Variants in SRSF10 observed in about 807,000 individuals in gnomAD.
The protein encoded by SRSF10 is serine and arginine rich splicing factor 10, also known as serine/arginine-rich splicing factor 10.
In SRSF10, 9 loss-of-function variants were observed where a neutral mutation model predicts 32.6. That is an observed-to-expected ratio of 0.28 (90% CI 0.17 to 0.48). SRSF10 has a LOEUF of 0.48. SRSF10 is among the 20% of genes least tolerant of loss of function. SRSF10 has a pLI of 0.99. For missense variants in SRSF10, 201 were observed against 331.8 expected (o/e 0.61, Z 3.06); for synonymous variants, 105 against 112.4 (o/e 0.93, Z 0.42).
Position 23,978,722 on chromosome 1 carries a change from G to A in SRSF10, c.161C>T (p.Ala54Val). 1.9e-6 allele frequency: 3 copies of A among 1,612,036 alleles called. No individual in the cohort carries two copies. The highest frequency in any genetic ancestry group is 2.5e-6 in the Non-Finnish European group (3 of 1,178,840). ...TCTGAAGAAAGGATATTGAACATAA[G>A]CAAATCCTCTTGGACGGCGAGTGTA... ...DFYTRRPRGF[A>V]YVQFEDVRDA... is the part of the protein sequence containing the mutation. The change falls in exon 2 of 6, where the codon GCT (alanine) becomes GTT (valine). Residue 54 changes from alanine (A) to valine (V), a missense_variant. Physicochemically the swap from Ala to Val is moderately conservative, Grantham distance 64. Around this residue, in one of 3 missense-constraint regions of SRSF10, gnomAD observed 41 missense variants for 109.5 expected, o/e 0.37. Transcript: ENST00000492112.
At chr1:23,979,875 G>T (rs1473638513) in intron 1 of SRSF10, among the ~76,000 whole-genome samples, 3 of 150,784 alleles carry the variant, frequency 2.0e-5, no homozygotes, top group Non-Finnish European at 4.4e-5. Flanking sequence ...AATGGGGGGC[G>T]GCCGTCGGGT....
intron 2 of SRSF10, chr1:23,975,929 G>A (rs1474005726): frequency 6.6e-6 from 1 of 152,172 alleles, no homozygotes; most frequent in African/African-American, 2.4e-5. Flanking sequence ...ACTTGTTTTT[G>A]ATCTGAGAAG....
At chr1:23,980,091 A>G (rs1570799761) in intron 1 of SRSF10, 100 bp downstream of exon 1, 1 of 1,308,118 alleles carries the variant, frequency 7.6e-7, no homozygotes, top group East Asian at 3.0e-5. Flanking sequence ...CGCCATCTTC[A>G]CTCCGTCCCC....
Position 23,972,018 on chromosome 1 carries a change from A to C in SRSF10, c.275-6T>G. On this transcript the variant is annotated splice_polypyrimidine_tract_variant and splice_region_variant and intron_variant, in intron 3 of 5. Transcript: ENST00000492112. ...GGCTTTCATCTGATTTGGTGCTAGG[A>C]AATACAAAGAACAGAAATATTTAAA... 6.8e-7 allele frequency: 1 copy of C among 1,478,612 alleles called. No homozygotes were observed. Among genetic ancestry groups the C allele is most frequent in the Admixed American group, 2.6e-5 (1 of 38,752 alleles). The allele number at this position is 1,478,612 out of a possible 1,614,324, so 91.6% of individuals were successfully genotyped here.
intron 4 of SRSF10, 75 bp from the exon 5 acceptor site, chr1:23,971,701 TA>T: frequency 1.3e-6 from 2 of 1,538,678 alleles, no homozygotes; most frequent in Non-Finnish European, 1.8e-6. Context: ...AAGCAAACCA[TA>T]AAACTTTTAA....
At chr1:23,976,585 T>C (rs1642105802) in intron 2 of SRSF10, 1 of 152,174 alleles carries the variant, frequency 6.6e-6, no homozygotes, top group Non-Finnish European at 1.5e-5. Context: ...ATATAATAAG[T>C]ATAAAAAGGA....
chr1:23,969,810 C>T lies in SRSF10; in HGVS notation c.*1332G>A, dbSNP rs1241613595. The T allele has an allele frequency of 1.0e-6, 1 of 985,290 alleles. No homozygotes were observed. Among genetic ancestry groups the T allele is most frequent in the African/African-American group, 1.7e-5 (1 of 57,216 alleles). 61.0% of individuals were successfully genotyped at this position (985,290 alleles called of 1,614,324 possible). ...CAAAAGATGTGACTCTTGCTTAAAA[C>T]TGACTAATCCTTTTCCCCAAATTAC... On this transcript the variant is annotated 3_prime_UTR_variant, in exon 6 of 6. Transcript: ENST00000492112.
chr1:23,979,571 T>C (rs1411403465), intron 1 of SRSF10, among the ~76,000 whole-genome samples: 1 of 152,152 alleles, frequency 6.6e-6, no homozygotes, highest in Non-Finnish European at 1.5e-5. Context: ...TGACTGACGC[T>C]TCCCAAACCT....
rs1641741062 is a variant in SRSF10, at chr1:23,971,308, G to A, written c.623C>T (p.Thr208Ile). ...ATGTGTTTTGGAATCTGTTTTAGAG[G>A]TGCCTCTAGTTTTGGTGTGAGATGC... Reference protein sequence around the residue: ...RSASHTKTRGTSKTDSKTHYK... With the variant: ...RSASHTKTRGISKTDSKTHYK... Residue 208 changes from threonine to isoleucine, a missense_variant, in exon 6 of 6, where the codon ACC becomes ATC. Thr to Ile is a moderately conservative substitution (Grantham distance 89). This residue lies in a region of SRSF10 where 159 missense variants were observed against 196.7 expected (regional missense o/e 0.81). Transcript: ENST00000492112. 1.2e-6 allele frequency: 2 copies of A among 1,613,290 alleles called. No individual in the cohort carries two copies. The highest frequency in any genetic ancestry group is 1.3e-5 in the African/African-American group (1 of 74,872).
At position 23,965,878 on chromosome 1, in the gene SRSF10, G is replaced by A. The variant is rs1641425086; in HGVS notation, c.*5264C>T. The A allele has an allele frequency of 6.6e-6, 1 of 151,732 alleles. No individual in the cohort carries two copies. The highest frequency in any genetic ancestry group is 1.5e-5 in the Non-Finnish European group (1 of 67,760). The allele number at this position is 151,732 out of a possible 1,614,324, so 9.4% of individuals were successfully genotyped here. The stretch of plus-strand genomic sequence containing the variant: ...CTTCAAAAGGAAATGGAGAAGGGAG[G>A]TAGAGGGCAAAAAAGTCTATAGCCT... On this transcript the variant is annotated 3_prime_UTR_variant, in exon 6 of 6. Transcript: ENST00000492112.
chr1:23,978,619 C>T, intron 2 of SRSF10, 94 bp downstream of exon 2: 1 of 1,419,586 alleles, frequency 7.0e-7, no homozygotes, highest in Non-Finnish European at 9.3e-7. Context: ...TATTAGAGGA[C>T]AAAAAGAACT....
intron 3 of SRSF10, among the ~76,000 whole-genome samples, chr1:23,974,551 A>G (rs927973920): frequency 7.9e-5 from 12 of 152,196 alleles, no homozygotes; most frequent in Non-Finnish European, 1.5e-4. Flanking sequence ...GGCCAGGCAC[A>G]GTAGCTCACG....
At position 23,969,042 on chromosome 1, in the gene SRSF10, A is replaced by G. The variant is rs367884849; in HGVS notation, c.*2100T>C. 15,133 of 847,832 alleles carry G rather than the reference A, an allele frequency of 0.018. 195 individuals are homozygous for G. The highest frequency in any genetic ancestry group is 0.079 in the South Asian group (1,462 of 18,472). The allele number at this position is 847,832 out of a possible 1,614,324, so 52.5% of individuals were successfully genotyped here. A position where few individuals can be genotyped will look rare whatever the true frequency, so the allele number is the denominator to read the frequency against. ...GGACTGTTTCCATTGTTATTTTAGA[A>G]TCATATTCAATACTGTAATAATTCC... On this transcript the variant is annotated 3_prime_UTR_variant, in exon 6 of 6. Coordinates refer to ENST00000492112, the MANE Select transcript of SRSF10 (RefSeq NM_054016.4).
At chr1:23,979,220 TAA>T (rs1406315520) in intron 1 of SRSF10, among the ~76,000 whole-genome samples, 1 of 152,144 alleles carries the variant, frequency 6.6e-6, no homozygotes, top group Non-Finnish European at 1.5e-5. Context: ...CTTAAATAGT[TAA>T]GTGTCAAGAT....
rs1641528319 is a variant in SRSF10, at chr1:23,967,890, T to C, written c.*3252A>G. 2 of 1,549,242 alleles carry C rather than the reference T, an allele frequency of 1.3e-6. No individual in the cohort carries two copies. The highest frequency in any genetic ancestry group is 1.7e-6 in the Non-Finnish European group (2 of 1,146,510). On this transcript the variant is annotated 3_prime_UTR_variant, in exon 6 of 6. Coordinates refer to ENST00000492112, the MANE Select transcript of SRSF10 (RefSeq NM_054016.4). ...CCCTGGGATGTAACTTAACAGCTCA[T>C]ACTCTATGTAGCACCTTTCCTCTCT... is the stretch of plus-strand genomic sequence containing the variant.
At position 23,967,628 on chromosome 1, in the gene SRSF10, G is replaced by A; in HGVS notation, c.*3514C>T. 3 of 1,302,046 alleles carry A rather than the reference G, an allele frequency of 2.3e-6. No homozygotes were observed. The highest frequency in any genetic ancestry group is 3.3e-6 in the Non-Finnish European group (3 of 897,668). 80.7% of individuals were successfully genotyped at this position (1,302,046 alleles called of 1,614,324 possible). A position where few individuals can be genotyped will look rare whatever the true frequency, so the allele number is the denominator to read the frequency against. On this transcript the variant is annotated 3_prime_UTR_variant, in exon 6 of 6. Transcript: ENST00000492112. ...AGCACCTTCCACCCACCCTTTGGTC[G>A]CTTGAACTGCCCTTCTTTGGTTCTT...
intron 2 of SRSF10, chr1:23,978,026 C>T (rs1642195967): frequency 9.1e-6 from 9 of 985,264 alleles, no homozygotes; most frequent in East Asian, 1.1e-4. Flanking sequence ...TGACAGATGG[C>T]TTTATCTTTA....
intron 2 of SRSF10, 184 bp from the exon 3 acceptor site, chr1:23,975,261 G>A: frequency 1.8e-6 from 1 of 556,548 alleles, no homozygotes; most frequent in Admixed American, 3.4e-5. Context: ...AAAAGCACTT[G>A]TGATTTCCTA....
At chr1:23,976,536 A>C (rs954963128) in intron 2 of SRSF10, 2 of 152,248 alleles carry the variant, frequency 1.3e-5, no homozygotes, top group Non-Finnish European at 2.9e-5. Context: ...GAATACGTTC[A>C]CTTAATGGGT....
Sources: allele counts gnomAD v4.1 joint callset (sites outside exome capture counted in the v4.1 genomes callset), GRCh38; gene constraint gnomAD v4.1.1; regional missense constraint gnomAD v4.1.1; transcripts MANE v1.5; gene names NCBI Gene and HGNC (gene_info 2026-07-23, HGNC 2026-07-21).